Variants in GAB1 observed in about 807,000 individuals in gnomAD.
GAB1 encodes GRB2 associated binding protein 1, also known as GRB2-associated-binding protein 1.
GAB1 carries 19 observed loss-of-function variants against 66.5 expected under a neutral mutation model. That is an observed-to-expected ratio of 0.29 (90% CI 0.20 to 0.42). The LOEUF is 0.42. Among genes scored for constraint, GAB1 ranks in the 10% least tolerant of loss-of-function variants. The pLI is 1.00. For missense variants in GAB1, 732 were observed against 858.5 expected, an observed-to-expected ratio of 0.85 and a Z score of 1.84; for synonymous variants, 294 against 301.4, an observed-to-expected ratio of 0.98 and a Z score of 0.25.
intron 2 of GAB1, 78 bp downstream of exon 2, chr4:143,415,849 T>G: frequency 7.2e-6 from 8 of 1,110,372 alleles, no homozygotes; most frequent in Non-Finnish European, 9.0e-6. Flanking sequence ...AATTCTTTGT[T>G]ATTTTAGTTA....
At chr4:143,418,576 G>A in intron 2 of GAB1, among the ~76,000 whole-genome samples, 1 of 152,122 alleles carries the variant, frequency 6.6e-6, no homozygotes, top group East Asian at 1.9e-4. Flanking sequence ...CCTTTTCAAT[G>A]TAGAATTTGT....
At chr4:143,468,760 C>A (rs947116490) in intron 9 of GAB1, among the ~76,000 whole-genome samples, 2 of 151,724 alleles carry the variant, frequency 1.3e-5, no homozygotes, top group African/African-American at 4.8e-5. Context: ...CACATCTCTA[C>A]TAAAAATACA....
At chr4:143,356,223 A>C (rs896731861) in intron 1 of GAB1, among the ~76,000 whole-genome samples, 5 of 152,192 alleles carry the variant, frequency 3.3e-5, no homozygotes, top group African/African-American at 9.6e-5. Flanking sequence ...CAAAAGAAAT[A>C]CTTGATATTG....
chr4:143,417,479 C>T, intron 2 of GAB1: 1 of 397,610 alleles, frequency 2.5e-6, no homozygotes. Flanking sequence ...ATGATCTCTG[C>T]TCACTGCAAC....
Position 143,383,271 on chromosome 4 carries a change from T to C in GAB1, c.73-32206T>C, listed in dbSNP as rs369346579. On this transcript the variant is annotated intron_variant, in intron 1 of 9. Transcript: ENST00000262994. Reference sequence around the variant, plus strand: ...TTCTGAAATGGCCACCATCAGATCATTGAGACTTGACATGCAGTTTAAAAT... The same window carrying C: ...TTCTGAAATGGCCACCATCAGATCACTGAGACTTGACATGCAGTTTAAAAT... 9.2e-5 allele frequency among the ~76,000 whole-genome samples: 14 copies of C among 152,322 alleles called. No homozygotes were observed. In the East Asian group the frequency reaches 2.7e-3, roughly 29 times the overall value.
At chr4:143,349,766 C>A in intron 1 of GAB1, 1 of 1,590,630 alleles carries the variant, frequency 6.3e-7, no homozygotes, top group Non-Finnish European at 8.5e-7. Context: ...TTGTAGTCCC[C>A]GATAGCAACG....
intron 1 of GAB1, among the ~76,000 whole-genome samples, chr4:143,379,097 C>T (rs1291602152): frequency 6.6e-6 from 1 of 152,136 alleles, no homozygotes; most frequent in African/African-American, 2.4e-5. Context: ...ACCAAAGCCT[C>T]ATTCATTGAG....
chr4:143,438,801 G>A (rs1401507092), intron 4 of GAB1, among the ~76,000 whole-genome samples: 1 of 152,134 alleles, frequency 6.6e-6, no homozygotes, highest in Non-Finnish European at 1.5e-5. Context: ...TCTCACCCCT[G>A]AAGAAGTATG....
At chr4:143,428,625 T>A (rs1733488115) in intron 2 of GAB1, among the ~76,000 whole-genome samples, 1 of 152,142 alleles carries the variant, frequency 6.6e-6, no homozygotes, top group Non-Finnish European at 1.5e-5. Flanking sequence ...CAGAGATTGC[T>A]GGTTGGTTCA....
chr4:143,458,058 A>G (rs1304922697), intron 6 of GAB1, among the ~76,000 whole-genome samples: 2 of 152,010 alleles, frequency 1.3e-5, no homozygotes, highest in African/African-American at 4.8e-5. Flanking sequence ...TCAGTTTGTG[A>G]ACTGTTTGTG....
chr4:143,408,708 T>C (rs1027799917), intron 1 of GAB1, among the ~76,000 whole-genome samples: 1 of 152,236 alleles, frequency 6.6e-6, no homozygotes, highest in Non-Finnish European at 1.5e-5. Flanking sequence ...AGCATTTTCA[T>C]TTTGTGAAAC....
At chr4:143,386,822 A>G (rs1730940010) in intron 1 of GAB1, among the ~76,000 whole-genome samples, 1 of 152,218 alleles carries the variant, frequency 6.6e-6, no homozygotes, top group Non-Finnish European at 1.5e-5. Context: ...AAAGTGTCAG[A>G]TTTTAGAAGA....
At chr4:143,439,564 TTCAC>T (rs930801781) in intron 4 of GAB1, 22 of 442,606 alleles carry the variant, frequency 5.0e-5, no homozygotes, top group Non-Finnish European at 8.6e-5. Flanking sequence ...GACTTAGACA[TTCAC>T]TCACACTCAA....
At chr4:143,432,824 G>A (rs1733728624) in intron 2 of GAB1, among the ~76,000 whole-genome samples, 2 of 152,038 alleles carry the variant, frequency 1.3e-5, no homozygotes, top group Admixed American at 1.3e-4. Flanking sequence ...CATAGTTAAG[G>A]GAATAATAAA....
At chr4:143,390,374 A>G (rs939661284) in intron 1 of GAB1, among the ~76,000 whole-genome samples, 8 of 151,896 alleles carry the variant, frequency 5.3e-5, no homozygotes, top group African/African-American at 1.9e-4. Context: ...AAAAATCTCA[A>G]TTAGAGTGAG....
At chr4:143,437,961 C>A in intron 3 of GAB1, 38 bp from the exon 4 acceptor site, 1 of 1,566,884 alleles carries the variant, frequency 6.4e-7, no homozygotes, top group Non-Finnish European at 8.7e-7. Context: ...TTCTTAGTCT[C>A]CACCTTGTTT....
At chr4:143,414,546 T>C (rs1398531068) in intron 1 of GAB1, among the ~76,000 whole-genome samples, 8 of 152,086 alleles carry the variant, frequency 5.3e-5, no homozygotes, top group African/African-American at 1.7e-4. Context: ...AGAATACAGG[T>C]CTTACTCGTA....
intron 2 of GAB1, among the ~76,000 whole-genome samples, chr4:143,417,245 T>G (rs1208631044): frequency 1.3e-5 from 2 of 152,262 alleles, no homozygotes; most frequent in South Asian, 2.1e-4. Flanking sequence ...TTTACTTGAC[T>G]GGGGCAGTAA....
chr4:143,472,596 A>G lies in GAB1; in HGVS notation c.*3407A>G, dbSNP rs1207875924. 2 of 152,224 alleles carry G rather than the reference A, an allele frequency of 1.3e-5. No homozygotes were observed. Among genetic ancestry groups the G allele is most frequent in the East Asian group, 3.8e-4 (2 of 5,204 alleles). 9.4% of individuals were successfully genotyped at this position (152,224 alleles called of 1,614,324 possible). On this transcript the variant is annotated 3_prime_UTR_variant, in exon 10 of 10. Coordinates refer to ENST00000262994, the MANE Select transcript of GAB1 (RefSeq NM_002039.4). ...TTCTTGGGTGTTCACAAACACTCCTAGTGCCTCTTTTTTGGCCCGTTGAAA... is the reference window on the plus strand; with the variant it reads ...TTCTTGGGTGTTCACAAACACTCCTGGTGCCTCTTTTTTGGCCCGTTGAAA...
Sources: gnomAD v4.1 joint callset for allele counts (sites outside exome capture counted in the v4.1 genomes callset) on GRCh38, gnomAD v4.1.1 for gene constraint, MANE v1.5 for transcripts, NCBI Gene and HGNC (gene_info 2026-07-23, HGNC 2026-07-21) for gene names.